Variants in SRP68 observed in about 807,000 individuals in gnomAD.
SRP68 encodes signal recognition particle subunit SRP68.
Under a neutral mutation model 82.2 loss-of-function variants are expected in SRP68, and 15 were observed. The observed-to-expected ratio is 0.18, with a 90% CI of 0.12 to 0.28. The LOEUF is 0.28. SRP68 is among the 10% of genes least tolerant of loss of function. The probability of loss-of-function intolerance (pLI) is 1.00; values close to 1 mark genes in which losing one functional copy is unlikely to be tolerated. For missense variants in SRP68, 595 were observed against 780.5 expected (o/e 0.76, Z 2.83); for synonymous variants, 261 against 292.6 (o/e 0.89, Z 1.10).
chr17:76,040,355 C>T, intron 15 of SRP68, 64 bp downstream of exon 15: 1 of 1,474,290 alleles, frequency 6.8e-7, no homozygotes, highest in South Asian at 1.1e-5. Flanking sequence ...CTATAATGAG[C>T]ATGCATTCCT....
intron 8 of SRP68, among the ~76,000 whole-genome samples, chr17:76,053,893 C>T (rs574033017): frequency 4.6e-5 from 7 of 152,178 alleles, no homozygotes; most frequent in Non-Finnish European, 7.3e-5. Flanking sequence ...CCTCTCAACA[C>T]GCAGAGGCAG....
Position 76,072,405 on chromosome 17 carries a change from A to ACCGCCGCTACCG in SRP68, c.75_86dup (p.Ser27_Gly30dup). 2 of 1,582,000 alleles carry ACCGCCGCTACCG rather than the reference A, an allele frequency of 1.3e-6. No homozygotes were observed. Among genetic ancestry groups the ACCGCCGCTACCG allele is most frequent in the Non-Finnish European group, 1.7e-6 (2 of 1,166,008 alleles). Reference sequence around the variant, plus strand: ...TTTCTTCCCCTCCGGCACCACGTCCACCGCCGCTACCGCCGCCGCCACTGC... The same window carrying ACCGCCGCTACCG: ...TTTCTTCCCCTCCGGCACCACGTCCACCGCCGCTACCGCCGCCGCTACCGCCGCCGCCACTGC... On this transcript the variant is annotated inframe_insertion, in exon 1 of 16. Coordinates refer to ENST00000307877, the MANE Select transcript of SRP68 (RefSeq NM_014230.4). The surrounding 1 kb of genome is among the most constrained non-coding windows in gnomAD (Gnocchi z 4.5).
At chr17:76,057,259 C>A in intron 8 of SRP68, 144 bp downstream of exon 8, 1 of 833,296 alleles carries the variant, frequency 1.2e-6, no homozygotes, top group South Asian at 2.0e-5. Flanking sequence ...TTCAATAAGG[C>A]ACATCTCCGT....
At chr17:76,056,313 C>T (rs893637640) in intron 8 of SRP68, among the ~76,000 whole-genome samples, 3 of 152,144 alleles carry the variant, frequency 2.0e-5, no homozygotes, top group Non-Finnish European at 4.4e-5. Flanking sequence ...TTCTTTCTTC[C>T]AGCATTGATC....
rs1567935119 is a variant in SRP68 at position 76,062,706 on chromosome 17, T to TA, written c.562-1133_562-1132insT. Among the ~76,000 whole-genome samples, 65 of 73,930 alleles carry TA rather than the reference T, an allele frequency of 8.8e-4. 17 individuals carry two copies. Among genetic ancestry groups the TA allele is most frequent in the African/African-American group, 1.5e-3 (21 of 13,966 alleles). 48.5% of individuals were successfully genotyped at this position (73,930 alleles called of 152,430 possible). ...TATAATATACATTATATATTGTATA[T>TA]TATACAATATATTATATTTATTTTA... On this transcript the variant is annotated intron_variant, in intron 4 of 15. Coordinates refer to ENST00000307877, the MANE Select transcript of SRP68 (RefSeq NM_014230.4).
At chr17:76,070,288 T>C in intron 2 of SRP68, 90 bp downstream of exon 2, 2 of 925,684 alleles carry the variant, frequency 2.2e-6, no homozygotes, top group South Asian at 2.8e-5. Context: ...CTTTCTAGCA[T>C]ATTTGCTGAT....
intron 6 of SRP68, chr17:76,060,617 G>A (rs950202350): frequency 4.1e-6 from 2 of 482,930 alleles, no homozygotes; most frequent in Non-Finnish European, 3.7e-6. Flanking sequence ...TGAAACATTT[G>A]TCCAAACCCA....
chr17:76,059,236 C>T (rs891634442), intron 7 of SRP68, among the ~76,000 whole-genome samples: 2 of 151,958 alleles, frequency 1.3e-5, no homozygotes, highest in Non-Finnish European at 2.9e-5. Context: ...GCAAAAGAGA[C>T]GCTGTTCAAA....
intron 8 of SRP68, among the ~76,000 whole-genome samples, chr17:76,057,129 C>T (rs771400114): frequency 6.6e-6 from 1 of 152,146 alleles, no homozygotes; most frequent in Non-Finnish European, 1.5e-5. Flanking sequence ...AAATGTGACC[C>T]CTTACTTTAA....
At chr17:76,043,221 G>A (rs1467087300) in intron 13 of SRP68, among the ~76,000 whole-genome samples, 1 of 152,048 alleles carries the variant, frequency 6.6e-6, no homozygotes, top group Non-Finnish European at 1.5e-5. Context: ...CTATGATGGT[G>A]CTACTTGCAT....
chr17:76,045,019 A>G, intron 12 of SRP68: 1 of 279,002 alleles, frequency 3.6e-6, no homozygotes, highest in Non-Finnish European at 6.7e-6. Context: ...TGGGATGACA[A>G]GTGTGAGCCA....
intron 8 of SRP68, among the ~76,000 whole-genome samples, chr17:76,054,361 T>C (rs971910225): frequency 1.3e-5 from 2 of 151,968 alleles, no homozygotes; most frequent in African/African-American, 2.4e-5. Flanking sequence ...ACCCCTACTA[T>C]GGGGACAAGA....
chr17:76,040,118 C>T (rs886068096), intron 15 of SRP68, among the ~76,000 whole-genome samples, 185 bp from the exon 16 acceptor site: 1 of 152,152 alleles, frequency 6.6e-6, no homozygotes, highest in Admixed American at 6.6e-5. Context: ...TCACTGAAAC[C>T]CAGAGAGGCT....
intron 4 of SRP68, among the ~76,000 whole-genome samples, chr17:76,062,740 T>TATATATATATATATATAAA (rs1555629413): frequency 2.3e-4 from 5 of 21,906 alleles, no homozygotes; most frequent in Non-Finnish European, 2.2e-4. Context: ...TATATATATA[T>TATATATATATATATATAAA]ATATATATAT....
At chr17:76,040,068 TA>T in intron 15 of SRP68, 135 bp from the exon 16 acceptor site, 6 of 849,620 alleles carry the variant, frequency 7.1e-6, no homozygotes, top group African/African-American at 1.7e-5. Flanking sequence ...GACAGCCTCC[TA>T]CGAGGAGGGG....
In SRP68 at chr17:76,072,463, C is replaced by G; in HGVS notation, c.29G>C (p.Gly10Ala). The change falls in exon 1 of 16, where the codon GGC (glycine) becomes GCC (alanine). Residue 10 changes from glycine (G) to alanine (A), a missense_variant. By Grantham distance (60) the Gly-to-Ala change is moderately conservative. Transcript: ENST00000307877. This position sits in a 1 kb window ranked among gnomAD's most constrained non-coding sequence, Gnocchi z 4.5. ...GCCGCCACTGCCGCCGCCGCCGCCG[C>G]CGCCTGGGACCTGCTTCTCAGCAGC... MAAEKQVPG[G>A]GGGGGSGGGG... The G allele has an allele frequency of 1.9e-6, 3 of 1,581,582 alleles. No homozygotes were observed. The highest frequency in any genetic ancestry group is 1.1e-5 in the South Asian group (1 of 89,190).
Position 76,039,945 on chromosome 17 carries a change from A to G in SRP68, c.1657-12T>C. ...CGTTCAACCAGAGGCTGGAAGTCAA[A>G]TCAAAGAGACGTATGTAGCATCGGT... is the stretch of plus-strand genomic sequence containing the variant. On this transcript the variant is annotated splice_polypyrimidine_tract_variant and intron_variant, in intron 15 of 15. Transcript: ENST00000307877. 1.2e-6 allele frequency: 2 copies of G among 1,613,618 alleles called. No individual in the cohort carries two copies. Among genetic ancestry groups the G allele is most frequent in the Middle Eastern group, 3.3e-4 (2 of 6,062 alleles).
At chr17:76,065,646 C>G (rs1181734055) in intron 3 of SRP68, among the ~76,000 whole-genome samples, 2 of 152,010 alleles carry the variant, frequency 1.3e-5, no homozygotes, top group Non-Finnish European at 2.9e-5. Context: ...TGCACGGATA[C>G]CAGGGCATGC....
intron 13 of SRP68, among the ~76,000 whole-genome samples, chr17:76,042,303 C>T (rs986950194): frequency 2.6e-5 from 4 of 151,990 alleles, no homozygotes; most frequent in Non-Finnish European, 5.9e-5. Context: ...AGCTAGTTAT[C>T]GTTCAATAAT....
Sources: gnomAD v4.1 joint callset for allele counts (sites outside exome capture counted in the v4.1 genomes callset) on GRCh38, gnomAD v4.1.1 for gene constraint, Gnocchi (gnomAD v3.1) non-coding constraint, MANE v1.5 for transcripts, NCBI Gene and HGNC (gene_info 2026-07-23, HGNC 2026-07-21) for gene names.